The following ZNF225 variants were observed in gnomAD, a reference collection of about 807,000 sequenced individuals.
ZNF225 encodes zinc finger protein 225.
A neutral mutation model predicts 12.0 loss-of-function variants in ZNF225; 6 were observed. The observed-to-expected ratio is 0.50, with a 90% CI of 0.27 to 0.98. The LOEUF (loss-of-function observed/expected upper bound fraction) is 0.98, where lower values mean the gene tolerates loss of function less well. Among genes scored for constraint, ZNF225 ranks in the 50% least tolerant of loss-of-function variants. The pLI, the probability that ZNF225 is intolerant of heterozygous loss-of-function variation, is 0.11. For synonymous variants in ZNF225, 271 were observed against 283.2 expected (o/e 0.96, Z 0.43); for missense variants, 763 against 848.2 (o/e 0.90, Z 1.25).
chr19:44,115,654 G>A, intron 1 of ZNF225, 106 bp from the exon 2 acceptor site: 1 of 570,478 alleles, frequency 1.8e-6, no homozygotes. Context: ...GAATGATGCT[G>A]TTGGGAACAT....
At position 44,134,505 on chromosome 19, in the gene ZNF225, C is replaced by T. The variant is rs1387805867; in HGVS notation, c.*1770C>T. 1 of 152,206 alleles carries T rather than the reference C, an allele frequency of 6.6e-6. No individual in the cohort carries two copies. Among genetic ancestry groups the T allele is most frequent in the Middle Eastern group, 3.2e-3 (1 of 316 alleles). The allele number at this position is 152,206 out of a possible 1,614,324, so 9.4% of individuals were successfully genotyped here. On this transcript the variant is annotated 3_prime_UTR_variant, in exon 5 of 5. Transcript: ENST00000262894. ...AGGCCTGTTATATTAACTTTTTGTG[C>T]ACATAGTACTAGAAAACTGTTGGCT...
At chr19:44,118,409 T>C (rs1967987157) in intron 3 of ZNF225, 73 bp from the exon 4 acceptor site, 3 of 1,611,058 alleles carry the variant, frequency 1.9e-6, no homozygotes, top group Non-Finnish European at 2.5e-6. Context: ...GGAACCTAAG[T>C]TTCCAGTAAA....
Position 44,131,197 on chromosome 19 carries a change from C to T in ZNF225, c.583C>T (p.Gln195Ter), listed in dbSNP as rs1682198559. ...TTATAGCTCAGCTCTTCGTATTCAT[C>T]AGAGAGTTCACATGGGGGAGAAACT... ...FCYSSALRIH[Q>*]RVHMGEKLYN... is the part of the protein sequence containing the mutation. Residue 195 changes from glutamine (Q) to a stop codon, truncating the protein, a stop_gained, in exon 5 of 5, where the codon CAG becomes TAG. Transcript: ENST00000262894. LOFTEE classifies it low-confidence loss of function (END_TRUNC). The T allele has an allele frequency of 6.2e-7, 1 of 1,614,184 alleles. No homozygotes were observed. Among genetic ancestry groups the T allele is most frequent in the Non-Finnish European group, 8.5e-7 (1 of 1,180,032 alleles).
At chr19:44,112,463 GT>G (rs1967851784), upstream of ZNF225, among the ~76,000 whole-genome samples, 1 of 152,012 alleles carries the variant, frequency 6.6e-6, no homozygotes, top group Admixed American at 6.5e-5. Context: ...CACTGTATTC[GT>G]ACTAGATGCC....
chr19:44,111,439 C>CA (rs1041638575), upstream of ZNF225, among the ~76,000 whole-genome samples: 7 of 152,006 alleles, frequency 4.6e-5, no homozygotes, highest in South Asian at 2.1e-4. Flanking sequence ...CCTCTCAAAA[C>CA]AAAAAACAAA....
intron 1 of ZNF225, among the ~76,000 whole-genome samples, chr19:44,114,400 A>C (rs77532642): frequency 0.09 from 13,713 of 152,194 alleles, 855 homozygotes; most frequent in Admixed American, 0.17. Context: ...AAGAGTATAG[A>C]TGAAGTTATT....
chr19:44,122,744 A>AT (rs1283035531), intron 4 of ZNF225, among the ~76,000 whole-genome samples: 2 of 151,148 alleles, frequency 1.3e-5, no homozygotes, highest in Non-Finnish European at 3.0e-5. Context: ...TGAGTATTTG[A>AT]TTTTTTTTGC....
intron 4 of ZNF225, among the ~76,000 whole-genome samples, chr19:44,126,741 G>A (rs1288834362): frequency 6.6e-6 from 1 of 152,116 alleles, no homozygotes; most frequent in Non-Finnish European, 1.5e-5. Flanking sequence ...TGTGGGTGAG[G>A]TTCCCAGGTT....
At chr19:44,130,779 A>T in intron 4 of ZNF225, 71 bp from the exon 5 acceptor site, 1 of 1,366,876 alleles carries the variant, frequency 7.3e-7, no homozygotes, top group Non-Finnish European at 1.0e-6. Flanking sequence ...GCTATGTCCT[A>T]AGTATGAAAT....
In ZNF225 at chr19:44,134,389, T is replaced by C. The variant is rs1308883604; in HGVS notation, c.*1654T>C. ...TAACTTGAACCATGCCTACCAGTTA[T>C]GGAATGGTGGCAACCCTCTCAAACT... On this transcript the variant is annotated 3_prime_UTR_variant, in exon 5 of 5. Transcript: ENST00000262894. The C allele has an allele frequency of 6.6e-6, 1 of 152,206 alleles. No homozygotes were observed. Among genetic ancestry groups the C allele is most frequent in the Non-Finnish European group, 1.5e-5 (1 of 68,046 alleles). The allele number at this position is 152,206 out of a possible 1,614,324, so 9.4% of individuals were successfully genotyped here.
intron 1 of ZNF225, chr19:44,114,358 T>C (rs963712586): frequency 2.5e-6 from 1 of 392,616 alleles, no homozygotes; most frequent in African/African-American, 2.1e-5. Context: ...CTTTCATCGT[T>C]TTTTCTTGGT....
In ZNF225 at chr19:44,124,726, T is replaced by C. The variant is rs895065188; in HGVS notation, c.236-6124T>C. 7.2e-5 allele frequency among the ~76,000 whole-genome samples: 11 copies of C among 152,312 alleles called. No individual in the cohort carries two copies. In the South Asian group the frequency reaches 2.3e-3, roughly 32 times the overall value. On this transcript the variant is annotated intron_variant, in intron 4 of 4. Coordinates refer to ENST00000262894, the MANE Select transcript of ZNF225 (RefSeq NM_013362.4). ...TTAGGTGCATATATGTTTAGGATTA[T>C]GATATTTTCCTGTTGGACAAGGCCT... is the stretch of plus-strand genomic sequence containing the variant.
Position 44,131,374 on chromosome 19 carries a change from C to T in ZNF225, c.760C>T (p.His254Tyr). Residue 254 changes from histidine to tyrosine, a missense_variant, in exon 5 of 5, where the codon CAC becomes TAC. Transcript: ENST00000262894. ...RSGLYVHRKL[H>Y]TGVKPHICEK... Reference sequence around the variant, plus strand: ...AGGACTTTATGTTCATCGTAAATTACACACAGGAGTGAAACCTCATATTTG... The same window carrying T: ...AGGACTTTATGTTCATCGTAAATTATACACAGGAGTGAAACCTCATATTTG... 2 of 1,614,190 alleles carry T rather than the reference C, an allele frequency of 1.2e-6. No homozygotes were observed. The highest frequency in any genetic ancestry group is 1.1e-5 in the South Asian group (1 of 91,076).
Position 44,131,395 on chromosome 19 carries a change from A to G in ZNF225, c.781A>G (p.Ile261Val), listed in dbSNP as rs766754580. The G allele has an allele frequency of 1.9e-6, 3 of 1,614,124 alleles. No homozygotes were observed. ...RKLHTGVKPH[I>V]CEKCGKAFIH... ...ATTACACACAGGAGTGAAACCTCATATTTGTGAGAAATGTGGGAAGGCCTT... is the reference window on the plus strand; with the variant it reads ...ATTACACACAGGAGTGAAACCTCATGTTTGTGAGAAATGTGGGAAGGCCTT... Residue 261 changes from isoleucine (I) to valine (V), a missense_variant, in exon 5 of 5, where the codon ATT (isoleucine) becomes GTT (valine). Coordinates refer to ENST00000262894, the MANE Select transcript of ZNF225 (RefSeq NM_013362.4).
At chr19:44,115,074 C>G (rs147322593) in intron 1 of ZNF225, among the ~76,000 whole-genome samples, 2 of 152,092 alleles carry the variant, frequency 1.3e-5, no homozygotes, top group African/African-American at 4.8e-5. Flanking sequence ...TGAACTCTCC[C>G]TTCTCCTTCA....
At chr19:44,124,910 A>G (rs1254477066) in intron 4 of ZNF225, among the ~76,000 whole-genome samples, 1 of 152,188 alleles carries the variant, frequency 6.6e-6, no homozygotes, top group African/African-American at 2.4e-5. Flanking sequence ...GACTCCTTAC[A>G]TGTTAGGTGA....
Position 44,131,657 on chromosome 19 carries a change from A to T in ZNF225, c.1043A>T (p.Glu348Val), listed in dbSNP as rs757475546. ...GGAGAGAAACGGTACAAATGTGAGG[A>T]ATGTGGAAAACGCTTCATTTATAGG... ...HTGEKRYKCE[E>V]CGKRFIYRQD... The change falls in exon 5 of 5, where the codon GAA becomes GTA. Residue 348 changes from glutamate (E) to valine (V), a missense_variant. Glu to Val is a moderately radical substitution (Grantham distance 121). Transcript: ENST00000262894. 7 of 1,614,064 alleles carry T rather than the reference A, an allele frequency of 4.3e-6. No individual in the cohort carries two copies. In the African/African-American group the frequency reaches 9.3e-5, roughly 22 times the overall value.
chr19:44,111,570 A>C (rs2065005230), upstream of ZNF225, among the ~76,000 whole-genome samples: 1 of 152,272 alleles, frequency 6.6e-6, no homozygotes, highest in South Asian at 2.1e-4. Flanking sequence ...CAATGTATGA[A>C]TGGAGAAACA....
In ZNF225 at chr19:44,131,255, A is replaced by G. The variant is rs781160275; in HGVS notation, c.641A>G (p.Asn214Ser). 8 of 1,614,114 alleles carry G rather than the reference A, an allele frequency of 5.0e-6. No individual in the cohort carries two copies. The highest frequency in any genetic ancestry group is 5.9e-6 in the Non-Finnish European group (7 of 1,180,052). The change falls in exon 5 of 5, where the codon AAT becomes AGT. Residue 214 changes from asparagine to serine, a missense_variant. Physicochemically the swap from Asn to Ser is conservative, Grantham distance 46. Transcript: ENST00000262894. ...TGTGATGTGTGTGGTAAGGAATTCA[A>G]TCAGAGCTCACATCTGCAAATTCAT... ...YNCDVCGKEF[N>S]QSSHLQIHQR... is the part of the protein sequence containing the mutation.
Sources: gnomAD v4.1 joint callset for allele counts (sites outside exome capture counted in the v4.1 genomes callset) on GRCh38, gnomAD v4.1.1 for gene constraint, MANE v1.5 for transcripts, NCBI Gene and HGNC (gene_info 2026-07-23, HGNC 2026-07-21) for gene names.